The following CHEK1 variants were observed in gnomAD, a reference collection of about 807,000 sequenced individuals.
CHEK1 encodes serine/threonine-protein kinase Chk1.
CHEK1 carries 32 observed loss-of-function variants against 60.2 expected under a neutral mutation model. The observed-to-expected ratio is 0.53, with a 90% CI of 0.40 to 0.71. The LOEUF is 0.71. Ranked by LOEUF, CHEK1 falls within the 30% of genes least tolerant of loss-of-function variation. The probability of loss-of-function intolerance (pLI) is 0.00; values close to 1 mark genes in which losing one functional copy is unlikely to be tolerated. For missense variants in CHEK1, 399 were observed against 564.6 expected (o/e 0.71, Z 2.97); for synonymous variants, 179 against 187.2 (o/e 0.96, Z 0.36).
Position 125,644,103 on chromosome 11 carries a change from G to T in CHEK1, c.936G>T (p.Val312=). 6.2e-7 allele frequency: 1 copy of T among 1,608,894 alleles called. No individual in the cohort carries two copies. The highest frequency in any genetic ancestry group is 8.5e-7 in the Non-Finnish European group (1 of 1,178,814). The part of the protein sequence containing the change: ...PVNSASSEEN[V]KYSSSQPEPR... ...CTTAATGCCTCAGTGAAGAAAATGT[G>T]AAGTACTCCAGTTCTCAGCCAGAAC... Residue 312 remains valine (V), a synonymous_variant, in exon 10 of 13, where the codon GTG becomes GTT. Transcript: ENST00000438015.
At chr11:125,678,997 T>TATATATATATATAGAGAGAGAGAG (rs1446760515), downstream of CHEK1, among the ~76,000 whole-genome samples, 1 of 142,290 alleles carries the variant, frequency 7.0e-6, no homozygotes, top group African/African-American at 2.6e-5. Flanking sequence ...TATATATATA[T>TATATATATATATAGAGAGAGAGAG]AGACACACAC....
intron 13 of CHEK1, chr11:125,672,400 G>A (rs763746647): frequency 3.2e-5 from 19 of 601,778 alleles, no homozygotes; most frequent in Non-Finnish European, 4.4e-5. Context: ...TTGGAGCAGG[G>A]AAGACAGGAC....
chr11:125,666,974 G>T, intron 13 of CHEK1, among the ~76,000 whole-genome samples: 1 of 135,202 alleles, frequency 7.4e-6, no homozygotes. Context: ...TTGTTGTTTT[G>T]TGTTTTTCGG....
chr11:125,680,109 A>G (rs1015462653), downstream of CHEK1, among the ~76,000 whole-genome samples: 3 of 152,222 alleles, frequency 2.0e-5, no homozygotes, highest in Non-Finnish European at 4.4e-5. Context: ...CAAAAAGCAA[A>G]ACCTCTGACA....
chr11:125,671,342 A>G (rs1010558629), intron 13 of CHEK1, among the ~76,000 whole-genome samples: 20 of 151,984 alleles, frequency 1.3e-4, no homozygotes, highest in Non-Finnish European at 2.9e-4. Flanking sequence ...CAAGTTGAAA[A>G]TTCATTTAGG....
Position 125,625,426 on chromosome 11 carries a change from TC to T in CHEK1, c.-604del, listed in dbSNP as rs1021505339. ...CCTCTCGCTCCCAACACGGAGTTCCTCCCATTTCTTCACAGTCGGCTCTCAG... is the reference window on the plus strand; with the variant it reads ...CCTCTCGCTCCCAACACGGAGTTCCTCCATTTCTTCACAGTCGGCTCTCAG... On this transcript the variant is annotated 5_prime_UTR_variant, in exon 1 of 13. An upstream open reading frame in the 5' UTR loses its in-frame stop. Coordinates refer to ENST00000438015, the MANE Select transcript of CHEK1 (RefSeq NM_001114122.3). The T allele has an allele frequency of 3.3e-6, 1 of 299,074 alleles. No homozygotes were observed. The highest frequency in any genetic ancestry group is 6.3e-6 in the Non-Finnish European group (1 of 159,818). 18.5% of individuals were successfully genotyped at this position (299,074 alleles called of 1,614,324 possible).
chr11:125,650,352 T>G (rs1039653219), intron 11 of CHEK1, among the ~76,000 whole-genome samples: 3 of 152,138 alleles, frequency 2.0e-5, no homozygotes, highest in African/African-American at 7.2e-5. Flanking sequence ...TGTTGAAAAC[T>G]GGACATATTG....
At chr11:125,665,584 A>C (rs1942084945) in intron 13 of CHEK1, among the ~76,000 whole-genome samples, 1 of 152,092 alleles carries the variant, frequency 6.6e-6, no homozygotes, top group Non-Finnish European at 1.5e-5. Flanking sequence ...GTTTGATAGA[A>C]TTCAACAGTG....
At chr11:125,649,153 C>T (rs943274867) in intron 11 of CHEK1, among the ~76,000 whole-genome samples, 1 of 152,036 alleles carries the variant, frequency 6.6e-6, no homozygotes, top group Non-Finnish European at 1.5e-5. Context: ...GTTAGTATAT[C>T]CACATCAGCT....
At chr11:125,645,446 G>C (rs1324283394) in intron 11 of CHEK1, among the ~76,000 whole-genome samples, 1 of 152,118 alleles carries the variant, frequency 6.6e-6, no homozygotes, top group East Asian at 1.9e-4. Flanking sequence ...GACAAATAGG[G>C]TAGCTGTTTT....
At chr11:125,671,210 A>G (rs979803654) in intron 13 of CHEK1, among the ~76,000 whole-genome samples, 4 of 152,084 alleles carry the variant, frequency 2.6e-5, no homozygotes, top group Non-Finnish European at 1.5e-5. Flanking sequence ...TTTTAACAAC[A>G]TATTTGAACT....
At chr11:125,652,423 C>T (rs1941770871) in intron 11 of CHEK1, among the ~76,000 whole-genome samples, 1 of 152,186 alleles carries the variant, frequency 6.6e-6, no homozygotes, top group African/African-American at 2.4e-5. Context: ...AGCCACAAGT[C>T]AGGCCTTTTT....
chr11:125,662,643 C>T (rs1481219788), intron 13 of CHEK1, among the ~76,000 whole-genome samples: 1 of 152,166 alleles, frequency 6.6e-6, no homozygotes, highest in Non-Finnish European at 1.5e-5. Context: ...TGAAGGACAT[C>T]TTTGTTATAT....
At chr11:125,636,689 C>T in intron 7 of CHEK1, among the ~76,000 whole-genome samples, 1 of 151,090 alleles carries the variant, frequency 6.6e-6, no homozygotes, top group East Asian at 1.9e-4. Context: ...TCATTTTTGT[C>T]AAGGATATTG....
At chr11:125,679,308 C>G (rs1300791770), downstream of CHEK1, among the ~76,000 whole-genome samples, 1 of 148,046 alleles carries the variant, frequency 6.8e-6, no homozygotes, top group Admixed American at 7.0e-5. Context: ...ACCTCCGCCT[C>G]CCGGGTTCAA....
chr11:125,643,802 G>T lies in CHEK1; in HGVS notation c.825G>T (p.Arg275Ser), dbSNP rs1351213254. Residue 275 changes from arginine (R) to serine (S), a missense_variant, in exon 9 of 13, where the codon AGG becomes AGT. Around this residue, in one of 2 missense-constraint regions of CHEK1, gnomAD observed 370 missense variants for 494.8 expected, o/e 0.75. Coordinates refer to ENST00000438015, the MANE Select transcript of CHEK1 (RefSeq NM_001114122.3). ...TGTTTTCTTTTTTAGGGGCAAAAAGGCCCCGAGTCACTTCAGGTGGTGTGT... is the reference window on the plus strand; with the variant it reads ...TGTTTTCTTTTTTAGGGGCAAAAAGTCCCCGAGTCACTTCAGGTGGTGTGT... ...YNKPLKKGAK[R>S]PRVTSGGVSE... 6.2e-7 allele frequency: 1 copy of T among 1,612,956 alleles called. No homozygotes were observed. The highest frequency in any genetic ancestry group is 8.5e-7 in the Non-Finnish European group (1 of 1,179,714).
chr11:125,650,422 G>A (rs907400746), intron 11 of CHEK1, among the ~76,000 whole-genome samples: 3 of 149,646 alleles, frequency 2.0e-5, no homozygotes, highest in African/African-American at 4.9e-5. Context: ...GTTTGTTACC[G>A]CTTGATGTAG....
chr11:125,637,628 A>T, intron 8 of CHEK1, 84 bp downstream of exon 8: 1 of 811,720 alleles, frequency 1.2e-6, no homozygotes, highest in Non-Finnish European at 2.0e-6. Flanking sequence ...TCAACAACAC[A>T]TGATAGCTAT....
chr11:125,674,888 T>C (rs1394574144), intron 13 of CHEK1, among the ~76,000 whole-genome samples: 3 of 152,258 alleles, frequency 2.0e-5, no homozygotes. Context: ...TTTCCAAGTT[T>C]ATCTTCTATG....
Sources: allele counts gnomAD v4.1 joint callset (sites outside exome capture counted in the v4.1 genomes callset), GRCh38; gene constraint gnomAD v4.1.1; regional missense constraint gnomAD v4.1.1; transcripts MANE v1.5; gene names NCBI Gene and HGNC (gene_info 2026-07-23, HGNC 2026-07-21).